The following SPAG5 variants were observed in gnomAD, a reference collection of about 807,000 sequenced individuals.
SPAG5 encodes sperm associated antigen 5.
In SPAG5, 99 loss-of-function variants were observed where a neutral mutation model predicts 145.4. The observed-to-expected ratio is 0.68, with a 90% confidence interval of 0.58 to 0.80. The LOEUF (loss-of-function observed/expected upper bound fraction) is 0.80, where lower values mean the gene tolerates loss of function less well. Among genes scored for constraint, SPAG5 ranks in the 30% least tolerant of loss-of-function variants. The pLI is 0.00. For missense variants in SPAG5, 1,192 were observed against 1,416.0 expected, an observed-to-expected ratio of 0.84 and a Z score of 2.54; for synonymous variants, 477 against 525.4, an observed-to-expected ratio of 0.91 and a Z score of 1.26.
intron 2 of SPAG5, among the ~76,000 whole-genome samples, chr17:28,593,952 T>G (rs2070642251): frequency 6.6e-6 from 1 of 152,020 alleles, no homozygotes; most frequent in Admixed American, 6.5e-5. Context: ...CTAGAATTAC[T>G]GGCCTGGACA....
chr17:28,585,435 C>T lies in SPAG5; in HGVS notation c.1861-24G>A, dbSNP rs144071045. 54 of 1,613,926 alleles carry T rather than the reference C, an allele frequency of 3.3e-5. No homozygotes were observed. In the African/African-American group the frequency reaches 5.1e-4, roughly 15 times the overall value. ...ACCTACAAAAGAAAGATTGCCTAGGCGGGAACCCCTTCCCTTTGGATACAG... is the reference window on the plus strand; with the variant it reads ...ACCTACAAAAGAAAGATTGCCTAGGTGGGAACCCCTTCCCTTTGGATACAG... On this transcript the variant is annotated intron_variant, in intron 8 of 23. Coordinates refer to ENST00000321765, the MANE Select transcript of SPAG5 (RefSeq NM_006461.4).
chr17:28,586,182 G>T lies in SPAG5; in HGVS notation c.1513C>A (p.Gln505Lys), dbSNP rs1403851144. 2 of 1,612,718 alleles carry T rather than the reference G, an allele frequency of 1.2e-6. No individual in the cohort carries two copies. The highest frequency in any genetic ancestry group is 1.7e-5 in the Admixed American group (1 of 60,010). Residue 505 changes from glutamine to lysine, a missense_variant and splice_region_variant, in exon 6 of 24, where the codon CAA becomes AAA. This residue lies in a region of SPAG5 where 709 missense variants were observed against 840.7 expected (regional missense o/e 0.84). Coordinates refer to ENST00000321765, the MANE Select transcript of SPAG5 (RefSeq NM_006461.4). ...QALQQARNVM[Q>K]SWVLISKELI... ...TCTTTAGAGATAAGCACCCATGATT[G>T]CTGTAGAGAAAAAAATGGGTAGGTG...
In SPAG5 at chr17:28,598,511, T is replaced by A. The variant is rs2070684660; in HGVS notation, c.176A>T (p.Gln59Leu). The A allele has an allele frequency of 6.2e-7, 1 of 1,613,264 alleles. No homozygotes were observed. Residue 59 changes from glutamine (Q) to leucine (L), a missense_variant and splice_region_variant, in exon 2 of 24, where the codon CAG (glutamine) becomes CTG (leucine). Physicochemically the swap from Gln to Leu is moderately radical, Grantham distance 113. This residue lies in a region of SPAG5 where 329 missense variants were observed against 354.0 expected (regional missense o/e 0.93). Coordinates refer to ENST00000321765, the MANE Select transcript of SPAG5 (RefSeq NM_006461.4). ...AGAAGCTGTCCAGGCGAATCTCACC[T>A]GCAGCCCCAGCTTGCACAGTGATGG... ...LTPSLCKLGL[Q>L]EGSNNSSPVD...
chr17:28,584,900 G>A (rs2070573732), intron 10 of SPAG5, among the ~76,000 whole-genome samples, 155 bp from the exon 11 acceptor site: 1 of 152,220 alleles, frequency 6.6e-6, no homozygotes, highest in Non-Finnish European at 1.5e-5. Flanking sequence ...AAAAAGTAGA[G>A]ACAGGAGAAA....
intron 2 of SPAG5, 106 bp downstream of exon 2, chr17:28,598,401 TAGA>T (rs952015192): frequency 2.2e-6 from 3 of 1,346,240 alleles, no homozygotes; most frequent in African/African-American, 2.9e-5. Context: ...GTCACCGACG[TAGA>T]AGACTTCATT....
At position 28,580,081 on chromosome 17, in the gene SPAG5, G is replaced by A; in HGVS notation, c.2725C>T (p.Pro909Ser). 6.2e-7 allele frequency: 1 copy of A among 1,614,094 alleles called. No homozygotes were observed. Among genetic ancestry groups the A allele is most frequent in the Admixed American group, 1.7e-5 (1 of 60,006 alleles). Residue 909 changes from proline to serine, a missense_variant, in exon 16 of 24, where the codon CCC (proline) becomes TCC (serine). Physicochemically the swap from Pro to Ser is moderately conservative, Grantham distance 74 (BLOSUM62 -1). Transcript: ENST00000321765. ...ETLLLSTACP[P>S]TQEHPLPNDR... ...TTAGGCAGAGGGTGTTCCTGGGTGG[G>A]AGGACAGGCTGTACTCAGCAGAAGG...
At position 28,584,224 on chromosome 17, in the gene SPAG5, G is replaced by A. The variant is rs753858481; in HGVS notation, c.2338C>T (p.His780Tyr). Reference protein sequence around the residue: ...QWQKEEMALKHMQAELQQQQA... With the variant: ...QWQKEEMALKYMQAELQQQQA... The stretch of plus-strand genomic sequence containing the variant: ...TGCTGCTGCAGTTCTGCCTGCATGT[G>A]TTTTAGTGCCATCTCTTCCTTTTGC... The change falls in exon 13 of 24, where the codon CAC (histidine) becomes TAC (tyrosine). Residue 780 changes from histidine to tyrosine, a missense_variant. This residue lies in a region of SPAG5 where 709 missense variants were observed against 840.7 expected (regional missense o/e 0.84). Coordinates refer to ENST00000321765, the MANE Select transcript of SPAG5 (RefSeq NM_006461.4). 2 of 1,613,934 alleles carry A rather than the reference G, an allele frequency of 1.2e-6. No homozygotes were observed. Among genetic ancestry groups the A allele is most frequent in the Non-Finnish European group, 1.7e-6 (2 of 1,180,036 alleles).
intron 15 of SPAG5, among the ~76,000 whole-genome samples, chr17:28,583,138 TG>T (rs2070559331): frequency 6.6e-6 from 1 of 152,180 alleles, no homozygotes; most frequent in South Asian, 2.1e-4. Flanking sequence ...ACACTACACC[TG>T]GGCTAATTTC....
At chr17:28,580,413 A>G (rs1164634692) in intron 15 of SPAG5, 1 of 183,480 alleles carries the variant, frequency 5.5e-6, no homozygotes, top group Non-Finnish European at 1.1e-5. Flanking sequence ...GAAAGAAAAA[A>G]GAAAGAAAAA....
chr17:28,591,644 A>T, intron 4 of SPAG5, 54 bp downstream of exon 4: 1 of 1,510,028 alleles, frequency 6.6e-7, no homozygotes, highest in Non-Finnish European at 9.0e-7. Context: ...TTCTCAGCTT[A>T]AATTCCAAGG....
At chr17:28,587,121 T>G (rs1264995005) in intron 4 of SPAG5, among the ~76,000 whole-genome samples, 3 of 151,882 alleles carry the variant, frequency 2.0e-5, no homozygotes, top group Non-Finnish European at 4.4e-5. Flanking sequence ...AGGTAAAAAA[T>G]TTCTTTGTTT....
In SPAG5 at chr17:28,577,847, C is replaced by T; in HGVS notation, c.3511-77G>A. The T allele has an allele frequency of 3.0e-6, 4 of 1,342,844 alleles. No individual in the cohort carries two copies. The South Asian group carries it at 3.5e-5, about 12-fold the overall frequency. 83.2% of individuals were successfully genotyped at this position (1,342,844 alleles called of 1,614,324 possible). A position where few individuals can be genotyped will look rare whatever the true frequency, so the allele number is the denominator to read the frequency against. On this transcript the variant is annotated intron_variant, in intron 23 of 23. Coordinates refer to ENST00000321765, the MANE Select transcript of SPAG5 (RefSeq NM_006461.4). ...GGCTCCCAGCCCCAGGAGGCAGCCG[C>T]TGAATTAGAGGGGAGAAAACAGACA... is the stretch of plus-strand genomic sequence containing the variant.
intron 15 of SPAG5, among the ~76,000 whole-genome samples, chr17:28,581,143 G>A (rs952392269): frequency 6.6e-6 from 1 of 152,214 alleles, no homozygotes; most frequent in Non-Finnish European, 1.5e-5. Context: ...TTGGAACACA[G>A]CCAGACCCAT....
At position 28,583,181 on chromosome 17, in the gene SPAG5, G is replaced by A. The variant is rs749774413; in HGVS notation, c.2685+330C>T. On this transcript the variant is annotated intron_variant, in intron 15 of 23. Coordinates refer to ENST00000321765, the MANE Select transcript of SPAG5 (RefSeq NM_006461.4). ...TTTTTGTAGAGATGGTTTTCACCACGTTGCCCAGGTCGGAAGGGAGGATTT... is the reference window on the plus strand; with the variant it reads ...TTTTTGTAGAGATGGTTTTCACCACATTGCCCAGGTCGGAAGGGAGGATTT... 4.6e-5 allele frequency among the ~76,000 whole-genome samples: 7 copies of A among 152,282 alleles called. No individual in the cohort carries two copies. The East Asian group carries it at 5.8e-4, about 13-fold the overall frequency.
rs537101698 is a variant in SPAG5, at chr17:28,587,489, G to A, written c.1438-990C>T. ...TGAAACCGGGAGGCAAGGTTGCAGT[G>A]AGCCGAGATTACGCCACTGCACCCC... On this transcript the variant is annotated intron_variant, in intron 4 of 23. Transcript: ENST00000321765. Among the ~76,000 whole-genome samples, 4 of 151,830 alleles carry A rather than the reference G, an allele frequency of 2.6e-5. No homozygotes were observed. In the South Asian group the frequency reaches 8.3e-4, roughly 32 times the overall value.
chr17:28,588,104 A>T (rs535387247), intron 4 of SPAG5, among the ~76,000 whole-genome samples: 2 of 152,310 alleles, frequency 1.3e-5, no homozygotes, highest in African/African-American at 2.4e-5. Flanking sequence ...GATTTCTTGG[A>T]GTTCATGGCT....
At position 28,583,493 on chromosome 17, in the gene SPAG5, G is replaced by T; in HGVS notation, c.2685+18C>A. On this transcript the variant is annotated intron_variant, in intron 15 of 23. Coordinates refer to ENST00000321765, the MANE Select transcript of SPAG5 (RefSeq NM_006461.4). ...AAGATACAATTGGAAGAGAAGAGAA[G>T]GAACCCCAGGATCCTACCTTCTCCT... 6.4e-7 allele frequency: 1 copy of T among 1,554,840 alleles called. No individual in the cohort carries two copies. Among genetic ancestry groups the T allele is most frequent in the Non-Finnish European group, 8.7e-7 (1 of 1,154,808 alleles).
chr17:28,587,326 C>T (rs1471801397), intron 4 of SPAG5, among the ~76,000 whole-genome samples: 1 of 151,548 alleles, frequency 6.6e-6, no homozygotes. Flanking sequence ...GCGGGCGGAT[C>T]ACCTGAGGTC....
At chr17:28,597,649 T>G (rs1217284524) in intron 2 of SPAG5, among the ~76,000 whole-genome samples, 1 of 152,238 alleles carries the variant, frequency 6.6e-6, no homozygotes, top group East Asian at 1.9e-4. Context: ...TCTTTCCTCC[T>G]CATACCTATT....
Sources: gnomAD v4.1 joint callset for allele counts (sites outside exome capture counted in the v4.1 genomes callset) on GRCh38, gnomAD v4.1.1 for gene constraint, gnomAD v4.1.1 regional missense constraint, MANE v1.5 for transcripts, NCBI Gene and HGNC (gene_info 2026-07-23, HGNC 2026-07-21) for gene names.